LRRFIP1: variants seen among roughly 807,000 people sequenced by gnomAD.
LRRFIP1 encodes leucine-rich repeat flightless-interacting protein 1.
LRRFIP1 carries 62 observed loss-of-function variants against 104.4 expected under a neutral mutation model. The observed-to-expected ratio is 0.59, with a 90% CI of 0.48 to 0.73. The LOEUF is 0.73. Ranked by LOEUF, LRRFIP1 falls within the 30% of genes least tolerant of loss-of-function variation. The probability of loss-of-function intolerance (pLI) is 0.00; values close to 1 mark genes in which losing one functional copy is unlikely to be tolerated. For missense variants in LRRFIP1, 796 were observed against 824.5 expected, an observed-to-expected ratio of 0.97 and a Z score of 0.42; for synonymous variants, 300 against 299.0, an observed-to-expected ratio of 1.00 and a Z score of -0.03.
Position 237,762,875 on chromosome 2 carries a change from G to A in LRRFIP1, c.1459+2670G>A, listed in dbSNP as rs761822675. On this transcript the variant is annotated intron_variant, in intron 19 of 23. Coordinates refer to ENST00000308482, the MANE Select transcript of LRRFIP1 (RefSeq NM_001137550.2). ...TTCTCTCCCTGAAAACACAGTACAGGTTGAGTCAAATGAGGTCATGGGTGC... is the reference window on the plus strand; with the variant it reads ...TTCTCTCCCTGAAAACACAGTACAGATTGAGTCAAATGAGGTCATGGGTGC... 14 of 1,614,044 alleles carry A rather than the reference G, an allele frequency of 8.7e-6. No individual in the cohort carries two copies. The highest frequency in any genetic ancestry group is 7.7e-5 in the South Asian group (7 of 91,090).
intron 1 of LRRFIP1, among the ~76,000 whole-genome samples, chr2:237,631,933 C>T (rs1166486530): frequency 6.6e-6 from 1 of 152,234 alleles, no homozygotes; most frequent in African/African-American, 2.4e-5. Flanking sequence ...CTGCAGCCTC[C>T]TCTCCAAGCT....
chr2:237,680,271 C>T (rs878863090), intron 1 of LRRFIP1, among the ~76,000 whole-genome samples: 8 of 152,158 alleles, frequency 5.3e-5, no homozygotes, highest in Admixed American at 3.3e-4. Context: ...ATGGGAGGGT[C>T]GCTTGAGGCC....
At position 237,771,911 on chromosome 2, in the gene LRRFIP1, C is replaced by A. The variant is rs748640052; in HGVS notation, c.1510-170C>A. Reference sequence around the variant, plus strand: ...TTTCTCTCAGAGTTACAGTGTAATTCATTTTTCATTCATTGTACATTGAAT... The same window carrying A: ...TTTCTCTCAGAGTTACAGTGTAATTAATTTTTCATTCATTGTACATTGAAT... On this transcript the variant is annotated intron_variant, in intron 20 of 23. Coordinates refer to ENST00000308482, the MANE Select transcript of LRRFIP1 (RefSeq NM_001137550.2). The A allele has an allele frequency of 5.8e-5, 34 of 591,290 alleles. 1 individual carries two copies. The South Asian group carries it at 6.6e-4, about 11-fold the overall frequency. 36.6% of individuals were successfully genotyped at this position (591,290 alleles called of 1,614,324 possible).
chr2:237,774,520 G>A (rs1337622796), intron 23 of LRRFIP1, 58 bp downstream of exon 23: 1 of 1,157,504 alleles, frequency 8.6e-7, no homozygotes, highest in Non-Finnish European at 1.3e-6. Context: ...CTCTAGTGGG[G>A]ACGGTACAGA....
chr2:237,739,369 T>C, intron 11 of LRRFIP1, 60 bp downstream of exon 11: 1 of 1,382,088 alleles, frequency 7.2e-7, no homozygotes, highest in South Asian at 1.2e-5. Context: ...CCTTCCCTTA[T>C]CCTCCTCTTC....
In LRRFIP1 at chr2:237,774,473, T is replaced by G; in HGVS notation, c.1812+11T>G. On this transcript the variant is annotated intron_variant, in intron 23 of 23. Transcript: ENST00000308482. ...AAACTCCAAAGAGAGGTAAATTTCC[T>G]AGGCAATTTCTAGGAAGAGAATGGC... is the stretch of plus-strand genomic sequence containing the variant. The G allele has an allele frequency of 6.4e-7, 1 of 1,570,672 alleles. No homozygotes were observed. Among genetic ancestry groups the G allele is most frequent in the South Asian group, 1.1e-5 (1 of 89,186 alleles).
intron 1 of LRRFIP1, among the ~76,000 whole-genome samples, chr2:237,686,124 G>A (rs1025884857): frequency 2.0e-5 from 3 of 152,140 alleles, no homozygotes; most frequent in South Asian, 4.1e-4. Flanking sequence ...TCTGTTCTGT[G>A]CATGCTGCCT....
At chr2:237,662,691 C>T (rs867970708) in intron 1 of LRRFIP1, among the ~76,000 whole-genome samples, 39 of 151,784 alleles carry the variant, frequency 2.6e-4, no homozygotes, top group African/African-American at 8.5e-4. Context: ...ATAGTGAAAC[C>T]TCACTTTCCC....
chr2:237,683,833 A>G (rs1203053859), intron 1 of LRRFIP1, among the ~76,000 whole-genome samples: 2 of 152,208 alleles, frequency 1.3e-5, no homozygotes, highest in African/African-American at 2.4e-5. Flanking sequence ...CTGGAAGCCA[A>G]GTTGCTTAGT....
At chr2:237,733,204 G>A (rs1005795721) in intron 8 of LRRFIP1, among the ~76,000 whole-genome samples, 5 of 152,104 alleles carry the variant, frequency 3.3e-5, no homozygotes, top group African/African-American at 7.2e-5. Flanking sequence ...TCCCCCTGAC[G>A]TGTGTGCTAG....
rs1394160968 is a variant in LRRFIP1 at position 237,717,104 on chromosome 2, A to T, written c.202-658A>T. On this transcript the variant is annotated intron_variant, in intron 3 of 23. Transcript: ENST00000308482. This position sits in a 1 kb window ranked among gnomAD's most constrained non-coding sequence, Gnocchi z 4.2. ...TCTTCCAGTGTGGTCCAAGGAAGCC[A>T]AAAGATTGGACACCCCTGAGCTAAT... Among the ~76,000 whole-genome samples the T allele has an allele frequency of 6.6e-6, 1 of 152,140 alleles. No individual in the cohort carries two copies.
intron 1 of LRRFIP1, among the ~76,000 whole-genome samples, chr2:237,666,614 G>A (rs574668842): frequency 2.3e-4 from 35 of 152,260 alleles, no homozygotes; most frequent in African/African-American, 7.0e-4. Flanking sequence ...GAGAGGTCTC[G>A]GTGGTGACGG....
Position 237,771,457 on chromosome 2 carries a change from G to A in LRRFIP1, c.1510-624G>A, listed in dbSNP as rs991804960. ...ATCTAGAGGTGATTTAAAGTGTACC[G>A]GAGAATGCAGGTAGGTTTCTGCAAA... On this transcript the variant is annotated intron_variant, in intron 20 of 23. Coordinates refer to ENST00000308482, the MANE Select transcript of LRRFIP1 (RefSeq NM_001137550.2). Among the ~76,000 whole-genome samples, 12 of 151,816 alleles carry A rather than the reference G, an allele frequency of 7.9e-5. No homozygotes were observed. In the East Asian group the frequency reaches 9.7e-4, roughly 12 times the overall value.
intron 1 of LRRFIP1, among the ~76,000 whole-genome samples, chr2:237,632,377 G>A (rs1458920076): frequency 1.3e-5 from 2 of 152,178 alleles, no homozygotes; most frequent in Non-Finnish European, 2.9e-5. Context: ...GCCAGGCTGA[G>A]GCCAACTCCT....
chr2:237,686,179 G>A (rs964133824), intron 1 of LRRFIP1, among the ~76,000 whole-genome samples: 2 of 152,162 alleles, frequency 1.3e-5, no homozygotes, highest in South Asian at 2.1e-4. Context: ...GTGCTGAGGT[G>A]CCTGTTAGAC....
At chr2:237,779,220 A>G in intron 23 of LRRFIP1, 1 of 476,002 alleles carries the variant, frequency 2.1e-6, no homozygotes, top group Non-Finnish European at 2.7e-6. Context: ...TCTCAAGAAA[A>G]AAAAAAGAAA....
chr2:237,725,412 A>G (rs569480456), intron 7 of LRRFIP1, among the ~76,000 whole-genome samples: 6 of 152,336 alleles, frequency 3.9e-5, no homozygotes, highest in African/African-American at 1.4e-4. Context: ...TGAAGTTAAT[A>G]TGCTGCCTAT....
intron 1 of LRRFIP1, among the ~76,000 whole-genome samples, chr2:237,683,052 G>A (rs912014276): frequency 2.0e-5 from 3 of 152,230 alleles, no homozygotes; most frequent in South Asian, 2.1e-4. Context: ...AGCCAGGAAC[G>A]CGGCTAGCCA....
intron 11 of LRRFIP1, among the ~76,000 whole-genome samples, chr2:237,745,509 T>C (rs2057721755): frequency 6.6e-6 from 1 of 152,216 alleles, no homozygotes; most frequent in Non-Finnish European, 1.5e-5. Context: ...TTTTTTCCCT[T>C]ATTTGATATT....
Sources: gnomAD v4.1 joint callset for allele counts (sites outside exome capture counted in the v4.1 genomes callset) on GRCh38, gnomAD v4.1.1 for gene constraint, Gnocchi (gnomAD v3.1) non-coding constraint, MANE v1.5 for transcripts, NCBI Gene and HGNC (gene_info 2026-07-23, HGNC 2026-07-21) for gene names.